Variants in BIVM observed in about 807,000 individuals in gnomAD.
BIVM encodes basic immunoglobulin-like variable motif-containing protein.
A neutral mutation model predicts 61.4 loss-of-function variants in BIVM; 31 were observed. The observed-to-expected ratio is 0.51, with a 90% CI of 0.38 to 0.68. BIVM has a LOEUF of 0.68. BIVM is among the 30% of genes least tolerant of loss of function. The pLI, the probability that BIVM is intolerant of heterozygous loss-of-function variation, is 0.00. For missense variants in BIVM, 526 were observed against 596.0 expected, an observed-to-expected ratio of 0.88 and a Z score of 1.22; for synonymous variants, 189 against 210.7, an observed-to-expected ratio of 0.90 and a Z score of 0.89.
chr13:102,806,778 C>T (rs902619360), intron 2 of BIVM, among the ~76,000 whole-genome samples: 8 of 151,960 alleles, frequency 5.3e-5, no homozygotes, highest in African/African-American at 7.2e-5. Context: ...GGCGTGGTGG[C>T]GCATGCCTGT....
At chr13:102,815,127 T>G (rs2139181087) in intron 3 of BIVM, among the ~76,000 whole-genome samples, 1 of 152,344 alleles carries the variant, frequency 6.6e-6, no homozygotes, top group African/African-American at 2.4e-5. Context: ...GTCTTCATTA[T>G]TATTACATTT....
At chr13:102,822,405 C>G (rs1302496651) in intron 7 of BIVM, among the ~76,000 whole-genome samples, 1 of 152,172 alleles carries the variant, frequency 6.6e-6, no homozygotes, top group Non-Finnish European at 1.5e-5. Flanking sequence ...ATCACAAACA[C>G]TACTCTAACA....
chr13:102,839,015 G>A (rs1302113745), intron 10 of BIVM, among the ~76,000 whole-genome samples: 1 of 152,170 alleles, frequency 6.6e-6, no homozygotes, highest in East Asian at 1.9e-4. Flanking sequence ...ATTGTTCTTA[G>A]CTTTCCTTTT....
chr13:102,819,619 G>A (rs1049158640), intron 4 of BIVM, among the ~76,000 whole-genome samples: 1 of 152,136 alleles, frequency 6.6e-6, no homozygotes, highest in South Asian at 2.1e-4. Context: ...GGGAACCGGG[G>A]ACAGGAGAGT....
At chr13:102,809,977 G>A (rs1202772426) in intron 3 of BIVM, among the ~76,000 whole-genome samples, 1 of 151,970 alleles carries the variant, frequency 6.6e-6, no homozygotes, top group Non-Finnish European at 1.5e-5. Flanking sequence ...AGTAGGGTCG[G>A]GGTTTCACCG....
At chr13:102,822,820 A>G (rs938708084) in intron 7 of BIVM, among the ~76,000 whole-genome samples, 2 of 152,234 alleles carry the variant, frequency 1.3e-5, no homozygotes, top group African/African-American at 4.8e-5. Flanking sequence ...GACACTTGTT[A>G]ATAGGGTGAG....
chr13:102,829,733 G>A (rs1410439755), intron 7 of BIVM, among the ~76,000 whole-genome samples: 1 of 152,104 alleles, frequency 6.6e-6, no homozygotes, highest in African/African-American at 2.4e-5. Context: ...CAATTACTTG[G>A]GAGGCTGAGG....
At chr13:102,828,269 A>G (rs1880812278) in intron 7 of BIVM, among the ~76,000 whole-genome samples, 1 of 152,228 alleles carries the variant, frequency 6.6e-6, no homozygotes, top group African/African-American at 2.4e-5. Flanking sequence ...CTCTGTTCAG[A>G]TAACTTCCGA....
chr13:102,819,206 T>C (rs1459272704), intron 4 of BIVM, among the ~76,000 whole-genome samples: 1 of 152,232 alleles, frequency 6.6e-6, no homozygotes, highest in Non-Finnish European at 1.5e-5. Context: ...TGCTCATGTT[T>C]CCAGGGATAG....
chr13:102,833,718 GA>G (rs1259467170), intron 8 of BIVM, among the ~76,000 whole-genome samples: 1 of 152,198 alleles, frequency 6.6e-6, no homozygotes, highest in East Asian at 1.9e-4. Flanking sequence ...AGACAGGTTG[GA>G]ATGACCTGGG....
At chr13:102,818,199 G>GC (rs1431239750) in intron 4 of BIVM, among the ~76,000 whole-genome samples, 1 of 152,176 alleles carries the variant, frequency 6.6e-6, no homozygotes, top group Non-Finnish European at 1.5e-5. Flanking sequence ...GAGTAGAGTA[G>GC]CTTGTCTAAA....
chr13:102,827,872 C>T (rs1205531013), intron 7 of BIVM, among the ~76,000 whole-genome samples: 3 of 152,218 alleles, frequency 2.0e-5, no homozygotes, highest in Non-Finnish European at 4.4e-5. Flanking sequence ...CTTCCGTTCT[C>T]TCCCATTGTG....
chr13:102,819,316 C>T (rs1339045192), intron 4 of BIVM, among the ~76,000 whole-genome samples: 1 of 152,154 alleles, frequency 6.6e-6, no homozygotes, highest in Non-Finnish European at 1.5e-5. Flanking sequence ...ATATAGTTGA[C>T]ACTACTGACC....
At position 102,807,460 on chromosome 13, in the gene BIVM, A is replaced by G; in HGVS notation, c.193A>G (p.Lys65Glu). Residue 65 changes from lysine (K) to glutamate (E), a missense_variant, in exon 3 of 11, where the codon AAA (lysine) becomes GAA (glutamate). By Grantham distance (56) the Lys-to-Glu change is moderately conservative (BLOSUM62 1). Transcript: ENST00000257336. The surrounding 1 kb of genome is among the most constrained non-coding windows in gnomAD (Gnocchi z 4.0). ...TTGTCCAGTGACTCATACACGGGAA[A>G]AAATTTATGCCATCTGTTCGGACTA... ...WSCPVTHTREKIYAICSDYAF... is the reference protein window; with the variant it reads ...WSCPVTHTREEIYAICSDYAF... 6.2e-7 allele frequency: 1 copy of G among 1,614,204 alleles called. No homozygotes were observed. Among genetic ancestry groups the G allele is most frequent in the Admixed American group, 1.7e-5 (1 of 60,020 alleles).
chr13:102,823,739 T>C (rs1272927446), intron 7 of BIVM, among the ~76,000 whole-genome samples: 6 of 152,202 alleles, frequency 3.9e-5, no homozygotes, highest in Non-Finnish European at 8.8e-5. Context: ...GCCTATTGAG[T>C]TTGAGTTTTT....
intron 8 of BIVM, among the ~76,000 whole-genome samples, chr13:102,833,673 A>G (rs1307129145): frequency 6.6e-6 from 1 of 152,196 alleles, no homozygotes; most frequent in African/African-American, 2.4e-5. Flanking sequence ...GTCCCACTCA[A>G]AGGCCCCTCG....
chr13:102,810,153 C>T (rs777244894), intron 3 of BIVM, among the ~76,000 whole-genome samples: 39 of 152,176 alleles, frequency 2.6e-4, no homozygotes, highest in Non-Finnish European at 5.3e-4. Context: ...CCCTGGAAAC[C>T]ACAATTTTAC....
At chr13:102,821,155 AC>A (rs778956221) in intron 5 of BIVM, 23 bp downstream of exon 5, 1 of 1,584,994 alleles carries the variant, frequency 6.3e-7, no homozygotes. Context: ...ATTTATCAGT[AC>A]CCCCAAACTC....
intron 3 of BIVM, among the ~76,000 whole-genome samples, chr13:102,809,986 C>T (rs1227325847): frequency 3.3e-5 from 5 of 152,156 alleles, no homozygotes; most frequent in East Asian, 1.9e-4. Flanking sequence ...GGGGTTTCAC[C>T]GTGGTCTCGA....
Sources: allele counts gnomAD v4.1 joint callset (sites outside exome capture counted in the v4.1 genomes callset), GRCh38; gene constraint gnomAD v4.1.1; non-coding constraint Gnocchi (gnomAD v3.1); transcripts MANE v1.5; gene names NCBI Gene and HGNC (gene_info 2026-07-23, HGNC 2026-07-21).